Variants in BICRAL observed in about 807,000 individuals in gnomAD.
BICRAL encodes BRD4-interacting chromatin-remodeling complex-associated protein-like.
BICRAL carries 8 observed loss-of-function variants against 91.8 expected under a neutral mutation model. That is an observed-to-expected ratio of 0.09 (90% confidence interval 0.05 to 0.16). The LOEUF is 0.16. Ranked by LOEUF, BICRAL falls within the 10% of genes least tolerant of loss-of-function variation. The pLI is 1.00. For missense variants in BICRAL, 1,038 were observed against 1,310.9 expected (o/e 0.79, Z 3.21); for synonymous variants, 445 against 491.1 (o/e 0.91, Z 1.24).
At chr6:42,807,109 G>A (rs1296336400) in intron 1 of BICRAL, among the ~76,000 whole-genome samples, 1 of 152,194 alleles carries the variant, frequency 6.6e-6, no homozygotes, top group Non-Finnish European at 1.5e-5. Context: ...GGGCTTACAG[G>A]CGTGAGCCAC....
rs556937398 is a variant in BICRAL, at chr6:42,868,180, A to G, written c.*2734A>G. The G allele has an allele frequency of 1.3e-5, 2 of 152,226 alleles. No homozygotes were observed. Among genetic ancestry groups the G allele is most frequent in the East Asian group, 3.9e-4 (2 of 5,170 alleles). 9.4% of individuals were successfully genotyped at this position (152,226 alleles called of 1,614,324 possible). A position where few individuals can be genotyped will look rare whatever the true frequency, so the allele number is the denominator to read the frequency against. On this transcript the variant is annotated 3_prime_UTR_variant, in exon 13 of 13. Transcript: ENST00000314073. ...GATGAAGCAAAATTTTAATCTGGCA[A>G]TTATGAAAAAGAAATATTTTAGCTC... is the stretch of plus-strand genomic sequence containing the variant.
chr6:42,853,419 T>A (rs1311172340), intron 7 of BICRAL, among the ~76,000 whole-genome samples: 1 of 152,210 alleles, frequency 6.6e-6, no homozygotes, highest in East Asian at 1.9e-4. Context: ...TATTTATTAC[T>A]ATTTACTTAT....
chr6:42,858,069 C>T (rs541802524), intron 10 of BICRAL, among the ~76,000 whole-genome samples: 24 of 150,232 alleles, frequency 1.6e-4, no homozygotes, highest in African/African-American at 2.4e-4. Flanking sequence ...CCTCAGCCTC[C>T]GGAAGTGCTG....
chr6:42,793,564 C>T (rs996445695), intron 1 of BICRAL, among the ~76,000 whole-genome samples: 2 of 151,812 alleles, frequency 1.3e-5, no homozygotes, highest in East Asian at 3.9e-4. Context: ...GCTGGGATTA[C>T]AGGCGTGAGC....
At chr6:42,855,700 G>T (rs552378831) in intron 8 of BICRAL, among the ~76,000 whole-genome samples, 156 bp from the exon 9 acceptor site, 62 of 144,836 alleles carry the variant, frequency 4.3e-4, no homozygotes, top group African/African-American at 6.5e-4. Flanking sequence ...CTGTGTACTG[G>T]TTTTTTTTTT....
At chr6:42,799,505 A>G (rs575840436) in intron 1 of BICRAL, among the ~76,000 whole-genome samples, 2 of 151,786 alleles carry the variant, frequency 1.3e-5, no homozygotes, top group Admixed American at 6.6e-5. Flanking sequence ...CGTGTTAGCC[A>G]GGATGGTCTT....
At chr6:42,794,223 T>A (rs1177553283) in intron 1 of BICRAL, among the ~76,000 whole-genome samples, 1 of 152,074 alleles carries the variant, frequency 6.6e-6, no homozygotes, top group Non-Finnish European at 1.5e-5. Context: ...ACCTAGAATT[T>A]ATTTTTTTAC....
chr6:42,839,045 C>CA (rs1172891326), intron 6 of BICRAL, among the ~76,000 whole-genome samples: 6 of 151,884 alleles, frequency 4.0e-5, no homozygotes, highest in Non-Finnish European at 7.4e-5. Flanking sequence ...ACTAAAAATA[C>CA]AAAAATTAGC....
chr6:42,770,204 C>A (rs985280524), intron 1 of BICRAL, among the ~76,000 whole-genome samples: 1 of 152,062 alleles, frequency 6.6e-6, no homozygotes, highest in African/African-American at 2.4e-5. Context: ...TAAAGTATCT[C>A]CTGTTCTTCC....
chr6:42,804,319 G>A (rs924324094), intron 1 of BICRAL, among the ~76,000 whole-genome samples: 6 of 152,056 alleles, frequency 3.9e-5, no homozygotes, highest in South Asian at 2.1e-4. Flanking sequence ...CACTGTGCCC[G>A]GCCAGTATTA....
intron 6 of BICRAL, among the ~76,000 whole-genome samples, chr6:42,842,872 T>G (rs1330106288): frequency 6.6e-6 from 1 of 151,120 alleles, no homozygotes; most frequent in Non-Finnish European, 1.5e-5. Flanking sequence ...TTTTTTTTTT[T>G]AGATGGAGTC....
intron 1 of BICRAL, among the ~76,000 whole-genome samples, chr6:42,757,343 C>G (rs1762477560): frequency 6.6e-6 from 1 of 151,836 alleles, no homozygotes; most frequent in Admixed American, 6.6e-5. Flanking sequence ...GCTCCGCCTC[C>G]CAGGTTCACC....
chr6:42,763,042 C>T (rs893191223), intron 1 of BICRAL, among the ~76,000 whole-genome samples: 3 of 152,166 alleles, frequency 2.0e-5, no homozygotes, highest in South Asian at 2.1e-4. Context: ...TCGAGGGAGC[C>T]TCTGCCCCTT....
At chr6:42,764,965 A>T (rs1762610140) in intron 1 of BICRAL, among the ~76,000 whole-genome samples, 1 of 152,164 alleles carries the variant, frequency 6.6e-6, no homozygotes, top group Admixed American at 6.6e-5. Flanking sequence ...GGCCTAGGTT[A>T]TGTTTTAAAA....
At chr6:42,812,388 T>C (rs746459725) in intron 2 of BICRAL, among the ~76,000 whole-genome samples, 4 of 151,748 alleles carry the variant, frequency 2.6e-5, no homozygotes, top group Non-Finnish European at 5.9e-5. Context: ...AGACCAGGGG[T>C]TCAAGACCAC....
intron 6 of BICRAL, among the ~76,000 whole-genome samples, chr6:42,839,274 A>T (rs920542358): frequency 2.0e-5 from 3 of 151,700 alleles, no homozygotes; most frequent in African/African-American, 7.3e-5. Context: ...ACTCATAGGG[A>T]TCATTATTGT....
intron 6 of BICRAL, among the ~76,000 whole-genome samples, chr6:42,851,630 C>T (rs1007040540): frequency 1.8e-4 from 28 of 152,164 alleles, no homozygotes; most frequent in African/African-American, 6.0e-4. Flanking sequence ...TTTATATCAT[C>T]TACACAGCAA....
At chr6:42,844,318 GCTAACC>G (rs1189119794) in intron 6 of BICRAL, among the ~76,000 whole-genome samples, 1 of 149,902 alleles carries the variant, frequency 6.7e-6, no homozygotes, top group African/African-American at 2.4e-5. Context: ...GACCATTCTG[GCTAACC>G]CGGTGAAACC....
At position 42,857,153 on chromosome 6, in the gene BICRAL, G is replaced by C; in HGVS notation, c.2171G>C (p.Arg724Pro). 1.9e-6 allele frequency: 3 copies of C among 1,612,782 alleles called. No individual in the cohort carries two copies. The highest frequency in any genetic ancestry group is 2.5e-6 in the Non-Finnish European group (3 of 1,178,886). The change falls in exon 10 of 13, where the codon CGA (arginine) becomes CCA (proline). Residue 724 changes from arginine to proline, a missense_variant. Physicochemically the swap from Arg to Pro is moderately radical, Grantham distance 103. Transcript: ENST00000314073. ...GTGACACCAGACAAAAGTCACTTCC[G>C]ATCACTAAGTGATGCGGTACAGAGA... is the stretch of plus-strand genomic sequence containing the variant. Reference protein sequence around the residue: ...HTVTPDKSHFRSLSDAVQRLL... With the variant: ...HTVTPDKSHFPSLSDAVQRLL...
Sources: gnomAD v4.1 joint callset for allele counts (sites outside exome capture counted in the v4.1 genomes callset) on GRCh38, gnomAD v4.1.1 for gene constraint, MANE v1.5 for transcripts, NCBI Gene and HGNC (gene_info 2026-07-23, HGNC 2026-07-21) for gene names.